DACH1: variants seen among roughly 807,000 people sequenced by gnomAD.
DACH1 encodes dachshund homolog 1.
In DACH1, 12 loss-of-function variants were observed where a neutral mutation model predicts 54.2. The observed-to-expected ratio is 0.22, with a 90% CI of 0.14 to 0.36. DACH1 has a LOEUF of 0.36. Ranked by LOEUF, DACH1 falls within the 10% of genes least tolerant of loss-of-function variation. The pLI, the probability that DACH1 is intolerant of heterozygous loss-of-function variation, is 1.00. For missense variants in DACH1, 805 were observed against 929.8 expected, an observed-to-expected ratio of 0.87 and a Z score of 1.75; for synonymous variants, 386 against 366.2, an observed-to-expected ratio of 1.05 and a Z score of -0.62.
At chr13:71,748,141 C>T (rs181232870) in intron 1 of DACH1, among the ~76,000 whole-genome samples, 40 of 151,094 alleles carry the variant, frequency 2.6e-4, no homozygotes, top group African/African-American at 6.1e-4. Flanking sequence ...CAGATTAACA[C>T]GTTGTGAACA....
intron 1 of DACH1, among the ~76,000 whole-genome samples, chr13:71,792,169 G>T (rs574473219): frequency 1.3e-5 from 2 of 152,154 alleles, no homozygotes; most frequent in South Asian, 4.1e-4. Context: ...CCAACCCAAT[G>T]CATTTTACTC....
Position 71,691,209 on chromosome 13 carries a change from A to G in DACH1, c.849-9299T>C, listed in dbSNP as rs534267778. Among the ~76,000 whole-genome samples the G allele has an allele frequency of 2.0e-4, 30 of 152,310 alleles. 2 individuals are homozygous for G. Among genetic ancestry groups the G allele is most frequent in the African/African-American group, 7.2e-4 (30 of 41,584 alleles). On this transcript the variant is annotated intron_variant, in intron 1 of 10. Coordinates refer to ENST00000613252, the MANE Select transcript of DACH1 (RefSeq NM_080759.6). ...GTCCCAATATGAACCCATTGCTCCT[A>G]TCTCAAAATAATATCCAACTTTCCT...
intron 1 of DACH1, among the ~76,000 whole-genome samples, chr13:71,682,232 C>T (rs1880945012): frequency 6.6e-6 from 1 of 152,172 alleles, no homozygotes; most frequent in African/African-American, 2.4e-5. Flanking sequence ...GAAAATTATG[C>T]ACTAACTTGT....
intron 1 of DACH1, among the ~76,000 whole-genome samples, chr13:71,831,055 T>C (rs932610051): frequency 6.6e-6 from 1 of 151,848 alleles, no homozygotes; most frequent in Non-Finnish European, 1.5e-5. Flanking sequence ...GATCAAATAG[T>C]GTTGAAGAAG....
At chr13:71,516,291 A>G (rs1881152299) in intron 6 of DACH1, among the ~76,000 whole-genome samples, 1 of 152,036 alleles carries the variant, frequency 6.6e-6, no homozygotes, top group Non-Finnish European at 1.5e-5. Flanking sequence ...AAATAGTACA[A>G]TTAAAATAAT....
At chr13:71,665,335 A>T (rs1594069568) in intron 2 of DACH1, among the ~76,000 whole-genome samples, 2 of 152,174 alleles carry the variant, frequency 1.3e-5, no homozygotes, top group African/African-American at 4.8e-5. Context: ...TAATGTGGAA[A>T]TATAATTTTT....
intron 1 of DACH1, among the ~76,000 whole-genome samples, chr13:71,805,901 G>C (rs771967332): frequency 1.3e-5 from 2 of 152,072 alleles, no homozygotes; most frequent in Middle Eastern, 6.8e-3. Flanking sequence ...TCTACCTCCC[G>C]GGTTCAAACG....
intron 1 of DACH1, among the ~76,000 whole-genome samples, chr13:71,859,844 A>C (rs1319130967): frequency 6.6e-6 from 1 of 151,932 alleles, no homozygotes; most frequent in Non-Finnish European, 1.5e-5. Context: ...AAAGTTAGTT[A>C]CAAGACAGCC....
chr13:71,475,969 C>A, intron 8 of DACH1, 120 bp from the exon 9 acceptor site: 1 of 728,494 alleles, frequency 1.4e-6, no homozygotes, highest in Non-Finnish European at 1.9e-6. Context: ...ACTGAGTCTA[C>A]CTATAAAAAG....
intron 6 of DACH1, among the ~76,000 whole-genome samples, chr13:71,501,436 A>G (rs1039913064): frequency 1.3e-5 from 2 of 152,228 alleles, no homozygotes; most frequent in African/African-American, 4.8e-5. Flanking sequence ...ATCTTTAGAA[A>G]ATATACACTG....
chr13:71,759,496 A>T (rs1885311583), intron 1 of DACH1, among the ~76,000 whole-genome samples: 2 of 152,174 alleles, frequency 1.3e-5, no homozygotes, highest in Non-Finnish European at 1.5e-5. Flanking sequence ...ACAATTTTTA[A>T]CTCTAATATC....
At chr13:71,580,953 G>A (rs185579448) in intron 3 of DACH1, among the ~76,000 whole-genome samples, 20,752 of 151,634 alleles carry the variant, frequency 0.14, 1,564 homozygotes, top group Non-Finnish European at 0.16. Flanking sequence ...CCTGATTAGG[G>A]GTCTTCATTT....
At chr13:71,709,363 T>G (rs1381863766) in intron 1 of DACH1, among the ~76,000 whole-genome samples, 1 of 152,134 alleles carries the variant, frequency 6.6e-6, no homozygotes, top group Non-Finnish European at 1.5e-5. Flanking sequence ...AAATAGAAAC[T>G]TCCAGAAATA....
At chr13:71,545,677 A>G (rs1033536436) in intron 6 of DACH1, among the ~76,000 whole-genome samples, 5 of 152,042 alleles carry the variant, frequency 3.3e-5, no homozygotes, top group African/African-American at 1.2e-4. Flanking sequence ...TTATTGAAAA[A>G]TTTTTAACAA....
At chr13:71,644,339 T>C (rs1878124675) in intron 2 of DACH1, among the ~76,000 whole-genome samples, 1 of 152,168 alleles carries the variant, frequency 6.6e-6, no homozygotes, top group African/African-American at 2.4e-5. Flanking sequence ...CAACCAAAAA[T>C]GAATGGTCTA....
At chr13:71,757,090 T>C (rs564465129) in intron 1 of DACH1, among the ~76,000 whole-genome samples, 2 of 152,318 alleles carry the variant, frequency 1.3e-5, no homozygotes, top group East Asian at 3.9e-4. Flanking sequence ...TTTGAAGATT[T>C]TTGAAAGGGC....
chr13:71,726,701 A>C (rs1385960818), intron 1 of DACH1, among the ~76,000 whole-genome samples: 1 of 152,018 alleles, frequency 6.6e-6, no homozygotes, highest in South Asian at 2.1e-4. Context: ...TATCTCATTA[A>C]GTATTGTCTA....
chr13:71,707,292 G>A (rs58256193), intron 1 of DACH1, among the ~76,000 whole-genome samples: 10,448 of 152,292 alleles, frequency 0.069, 1,118 homozygotes, highest in African/African-American at 0.23. Context: ...CACAAGTCAC[G>A]TGCTTGGAAG....
rs779446673 is a variant in DACH1, at chr13:71,460,518, T to G, written c.2083+14623A>C. Among the ~76,000 whole-genome samples the G allele has an allele frequency of 2.3e-4, 35 of 152,082 alleles. 1 individual carries two copies. The highest frequency in any genetic ancestry group is 4.6e-4 in the Non-Finnish European group (31 of 67,936). On this transcript the variant is annotated intron_variant, in intron 10 of 10. Coordinates refer to ENST00000613252, the MANE Select transcript of DACH1 (RefSeq NM_080759.6). ...TCAGTGTATTTACATGTTTTCTGGGTGGATGATTGGGTGGTGTTGATGCCC... is the reference window on the plus strand; with the variant it reads ...TCAGTGTATTTACATGTTTTCTGGGGGGATGATTGGGTGGTGTTGATGCCC...
Sources: allele counts gnomAD v4.1 joint callset (sites outside exome capture counted in the v4.1 genomes callset), GRCh38; gene constraint gnomAD v4.1.1; transcripts MANE v1.5; gene names NCBI Gene and HGNC (gene_info 2026-07-23, HGNC 2026-07-21).